The following EYS variants were observed in gnomAD, a reference collection of about 807,000 sequenced individuals.
The protein encoded by EYS is EGF-like photoreceptor maintenance factor.
Under a neutral mutation model 282.1 loss-of-function variants are expected in EYS, and 250 were observed. The ratio of observed to expected loss-of-function variants is 0.89; its 90% CI spans 0.80 to 0.98. EYS has a LOEUF of 0.98. Among genes scored for constraint, EYS ranks in the 50% least tolerant of loss-of-function variants. The pLI is 0.00. For synonymous variants in EYS, 1,355 were observed against 1,282.9 expected (o/e 1.06, Z -1.20); for missense variants, 4,016 against 3,709.0 (o/e 1.08, Z -2.15).
chr6:63,776,582 GCAAT>G (rs1770070607), intron 40 of EYS, among the ~76,000 whole-genome samples: 1 of 152,158 alleles, frequency 6.6e-6, no homozygotes, highest in South Asian at 2.1e-4. Flanking sequence ...AAAGTCCTGT[GCAAT>G]TGTAAGGTAT....
chr6:64,436,533 A>C (rs977035432), intron 27 of EYS, among the ~76,000 whole-genome samples: 13 of 151,816 alleles, frequency 8.6e-5, no homozygotes, highest in African/African-American at 3.1e-4. Flanking sequence ...CAGTATTCTG[A>C]GGAACATGGT....
chr6:64,995,722 C>T (rs562110042), intron 14 of EYS, among the ~76,000 whole-genome samples: 17 of 149,380 alleles, frequency 1.1e-4, no homozygotes, highest in Non-Finnish European at 2.2e-4. Flanking sequence ...GCTTCCCCCC[C>T]GCCCCATATT....
intron 31 of EYS, among the ~76,000 whole-genome samples, chr6:64,188,046 A>G (rs956882750): frequency 6.6e-6 from 1 of 152,140 alleles, no homozygotes; most frequent in Non-Finnish European, 1.5e-5. Flanking sequence ...AATTTTGAAA[A>G]AGTGATTATT....
chr6:65,048,725 G>T (rs1285964454), intron 13 of EYS, among the ~76,000 whole-genome samples: 1 of 151,796 alleles, frequency 6.6e-6, no homozygotes, highest in East Asian at 1.9e-4. Flanking sequence ...CATTAAATGT[G>T]CTTCTTCCAC....
rs1583191577 is a variant in EYS, at chr6:64,820,199, AC to A, written c.3243+1445del. On this transcript the variant is annotated intron_variant, in intron 21 of 42. Coordinates refer to ENST00000503581, the MANE Select transcript of EYS (RefSeq NM_001142800.2). ...ATGATTCCTAAGATATACTTCTAAG[AC>A]AAAAAAGTCACTGAGTATAATGAGT... Among the ~76,000 whole-genome samples, 3 of 152,140 alleles carry A rather than the reference AC, an allele frequency of 2.0e-5. No homozygotes were observed. The East Asian group carries it at 5.8e-4, about 29-fold the overall frequency.
At chr6:65,616,296 T>C (rs1027781661) in intron 2 of EYS, among the ~76,000 whole-genome samples, 4 of 152,190 alleles carry the variant, frequency 2.6e-5, no homozygotes, top group African/African-American at 9.6e-5. Flanking sequence ...GAGTTTGTTT[T>C]AATTCACTCA....
At chr6:65,705,156 A>G in intron 1 of EYS, among the ~76,000 whole-genome samples, 1 of 152,316 alleles carries the variant, frequency 6.6e-6, no homozygotes, top group Admixed American at 6.5e-5. Context: ...GAGCCTCTGC[A>G]AGCATACATG....
intron 14 of EYS, among the ~76,000 whole-genome samples, chr6:64,951,322 A>C (rs1459266005): frequency 1.3e-5 from 2 of 151,982 alleles, no homozygotes; most frequent in Non-Finnish European, 2.9e-5. Flanking sequence ...AAAAAAACAA[A>C]AACAAAAACA....
intron 36 of EYS, among the ~76,000 whole-genome samples, chr6:63,862,499 C>A (rs1182134262): frequency 1.3e-5 from 2 of 152,002 alleles, no homozygotes; most frequent in African/African-American, 4.8e-5. Flanking sequence ...TACATCCTTG[C>A]ATCTTTGAAA....
intron 26 of EYS, among the ~76,000 whole-genome samples, chr6:64,480,026 A>G (rs1303342797): frequency 6.6e-6 from 1 of 151,918 alleles, no homozygotes; most frequent in Admixed American, 6.6e-5. Flanking sequence ...GTCCGTTGCT[A>G]TGCCTCACAT....
intron 26 of EYS, among the ~76,000 whole-genome samples, chr6:64,564,401 C>T (rs1010114257): frequency 2.7e-5 from 4 of 150,428 alleles, no homozygotes; most frequent in Non-Finnish European, 4.4e-5. Flanking sequence ...CCTCAGCCTC[C>T]CAAGTAGTTG....
At chr6:64,141,026 A>G (rs1158369945) in intron 31 of EYS, among the ~76,000 whole-genome samples, 1 of 152,168 alleles carries the variant, frequency 6.6e-6, no homozygotes, top group Non-Finnish European at 1.5e-5. Context: ...ATGTATCACT[A>G]TACTACATTT....
chr6:65,295,699 A>C, intron 12 of EYS, 164 bp downstream of exon 12: 1 of 626,876 alleles, frequency 1.6e-6, no homozygotes, highest in Non-Finnish European at 2.6e-6. Context: ...AAGCAATCCT[A>C]TTATTCAAGT....
intron 22 of EYS, among the ~76,000 whole-genome samples, chr6:64,794,210 T>C (rs1774280091): frequency 1.3e-5 from 2 of 152,212 alleles, no homozygotes; most frequent in South Asian, 4.1e-4. Flanking sequence ...GAATTGAAAT[T>C]AGGATCTCAA....
intron 22 of EYS, among the ~76,000 whole-genome samples, chr6:64,807,620 G>T (rs1359257754): frequency 2.0e-5 from 3 of 151,896 alleles, no homozygotes; most frequent in Non-Finnish European, 2.9e-5. Flanking sequence ...TTATTAAATT[G>T]GCATTTCTTC....
chr6:65,369,342 A>C (rs1156460524), intron 8 of EYS, among the ~76,000 whole-genome samples: 2 of 144,798 alleles, frequency 1.4e-5, no homozygotes, highest in Non-Finnish European at 3.0e-5. Context: ...ATATATATAT[A>C]TATCTCATTC....
At chr6:64,113,607 T>C (rs189515530) in intron 31 of EYS, among the ~76,000 whole-genome samples, 17 of 152,310 alleles carry the variant, frequency 1.1e-4, no homozygotes, top group African/African-American at 3.1e-4. Context: ...GTAAAAAGTT[T>C]CTAGATCAGC....
intron 30 of EYS, among the ~76,000 whole-genome samples, chr6:64,245,862 T>C (rs1048754162): frequency 9.9e-5 from 15 of 151,592 alleles, no homozygotes; most frequent in Non-Finnish European, 1.8e-4. Flanking sequence ...CTACTAAAAA[T>C]ACAAAAATTA....
intron 15 of EYS, among the ~76,000 whole-genome samples, chr6:64,919,152 G>C (rs1044832899): frequency 2.0e-5 from 3 of 151,846 alleles, no homozygotes; most frequent in African/African-American, 4.8e-5. Context: ...TAGATAGTAA[G>C]CAAACCTTTC....
Sources: gnomAD v4.1 joint callset for allele counts (sites outside exome capture counted in the v4.1 genomes callset) on GRCh38, gnomAD v4.1.1 for gene constraint, MANE v1.5 for transcripts, NCBI Gene and HGNC (gene_info 2026-07-23, HGNC 2026-07-21) for gene names.